SPAG6: variants seen among roughly 807,000 people sequenced by gnomAD.
SPAG6 encodes the protein sperm-associated antigen 6.
SPAG6 carries 49 observed loss-of-function variants against 58.5 expected under a neutral mutation model. That is an observed-to-expected ratio of 0.84 (90% confidence interval 0.67 to 1.06). The LOEUF (loss-of-function observed/expected upper bound fraction) is 1.06. Ranked by LOEUF, SPAG6 falls within the 50% of genes least tolerant of loss-of-function variation. The pLI is 0.00. For missense variants in SPAG6, 560 were observed against 611.3 expected, an observed-to-expected ratio of 0.92 and a Z score of 0.89; for synonymous variants, 233 against 225.6, an observed-to-expected ratio of 1.03 and a Z score of -0.29.
At chr10:22,409,182 C>A (rs536513014) in intron 9 of SPAG6, among the ~76,000 whole-genome samples, 5 of 152,076 alleles carry the variant, frequency 3.3e-5, no homozygotes, top group Non-Finnish European at 7.4e-5. Flanking sequence ...CTAAAGATAC[C>A]AAAGCACTAA....
chr10:22,398,900 C>T (rs1834351701), intron 8 of SPAG6, among the ~76,000 whole-genome samples: 1 of 152,086 alleles, frequency 6.6e-6, no homozygotes, highest in African/African-American at 2.4e-5. Context: ...CTTACCGCAA[C>T]CTCCGCCTCC....
At chr10:22,352,031 G>A (rs1836740501) in intron 2 of SPAG6, among the ~76,000 whole-genome samples, 1 of 152,052 alleles carries the variant, frequency 6.6e-6, no homozygotes, top group South Asian at 2.1e-4. Flanking sequence ...GTGGTGGCGG[G>A]TGCCTGCAGT....
At chr10:22,405,137 C>A (rs1179557178) in intron 9 of SPAG6, among the ~76,000 whole-genome samples, 1 of 152,118 alleles carries the variant, frequency 6.6e-6, no homozygotes. Context: ...TTTCCTTCTC[C>A]TGCCTAATTG....
intron 8 of SPAG6, among the ~76,000 whole-genome samples, chr10:22,398,669 C>T (rs1834347096): frequency 6.6e-6 from 1 of 152,040 alleles, no homozygotes; most frequent in Non-Finnish European, 1.5e-5. Context: ...TTTGAGGCTG[C>T]AGTGAGCTAT....
rs1257745338 is a variant in SPAG6, at chr10:22,368,603, T to G, written c.397T>G (p.Cys133Gly). The change falls in exon 4 of 11, where the codon TGC (cysteine) becomes GGC (glycine). Residue 133 changes from cysteine (C) to glycine (G), a missense_variant. Coordinates refer to ENST00000376624, the MANE Select transcript of SPAG6 (RefSeq NM_012443.4). ...DCGALDTLVI[C>G]LEDFDPGVKE... ...TGGAGCACTGGATACGCTGGTCATA[T>G]GCTTGGAAGATTTTGACCCTGGAGT... 6.2e-7 allele frequency: 1 copy of G among 1,613,970 alleles called. No homozygotes were observed. The highest frequency in any genetic ancestry group is 1.1e-5 in the South Asian group (1 of 91,072).
In SPAG6 at chr10:22,387,941, A is replaced by G; in HGVS notation, c.797A>G (p.Tyr266Cys). The change falls in exon 6 of 11, where the codon TAC (tyrosine) becomes TGC (cysteine). Residue 266 changes from tyrosine to cysteine, a missense_variant. Transcript: ENST00000376624. ...ACCTGTCTGAAGGACAAGGATGAATACGTGAAGAAAAATGCTTCTACTTTA... is the reference window on the plus strand; with the variant it reads ...ACCTGTCTGAAGGACAAGGATGAATGCGTGAAGAAAAATGCTTCTACTTTA... ...VLTCLKDKDE[Y>C]VKKNASTLIR... The G allele has an allele frequency of 1.2e-6, 2 of 1,612,866 alleles. No individual in the cohort carries two copies. Among genetic ancestry groups the G allele is most frequent in the Non-Finnish European group, 1.7e-6 (2 of 1,179,484 alleles).
chr10:22,394,567 A>T (rs1192988234), intron 8 of SPAG6, among the ~76,000 whole-genome samples: 1 of 152,166 alleles, frequency 6.6e-6, no homozygotes, highest in South Asian at 2.1e-4. Context: ...CTAATTTTAG[A>T]ATATTTTTAT....
chr10:22,413,400 G>C (rs1266044974), intron 10 of SPAG6, among the ~76,000 whole-genome samples: 1 of 152,032 alleles, frequency 6.6e-6, no homozygotes, highest in African/African-American at 2.4e-5. Context: ...TGGCATGGTG[G>C]CGGGCGCCTG....
In SPAG6 at chr10:22,345,578, G is replaced by C. The variant is rs1184652932; in HGVS notation, c.-34G>C. 2 of 1,517,678 alleles carry C rather than the reference G, an allele frequency of 1.3e-6. No homozygotes were observed. The highest frequency in any genetic ancestry group is 1.8e-6 in the Non-Finnish European group (2 of 1,132,870). 94.0% of individuals were successfully genotyped at this position (1,517,678 alleles called of 1,614,324 possible). On this transcript the variant is annotated 5_prime_UTR_variant, in exon 1 of 11. Transcript: ENST00000376624. This position sits in a 1 kb window ranked among gnomAD's most constrained non-coding sequence, Gnocchi z 6.3. ...TCGCAGGCCGAGCGGCTTCCCCGCA[G>C]AGCTCGAGGAGGGCAGACGGCGGCG...
intron 7 of SPAG6, 142 bp from the exon 8 acceptor site, chr10:22,391,587 C>T: frequency 1.6e-6 from 1 of 640,890 alleles, no homozygotes; most frequent in Non-Finnish European, 2.7e-6. Context: ...AATGACAGCC[C>T]CTGTGATGTG....
At chr10:22,391,999 T>G in intron 8 of SPAG6, 79 bp downstream of exon 8, 2 of 918,276 alleles carry the variant, frequency 2.2e-6, no homozygotes, top group South Asian at 1.6e-5. Flanking sequence ...GTTTTCATCA[T>G]GGACAATATT....
intron 10 of SPAG6, among the ~76,000 whole-genome samples, chr10:22,415,470 C>T (rs991902875): frequency 2.0e-5 from 3 of 151,968 alleles, no homozygotes; most frequent in African/African-American, 7.2e-5. Flanking sequence ...TTCGAAGAAA[C>T]CCACTGTTGA....
intron 3 of SPAG6, among the ~76,000 whole-genome samples, chr10:22,365,801 G>A (rs1837182698): frequency 6.6e-6 from 1 of 152,140 alleles, no homozygotes; most frequent in Admixed American, 6.5e-5. Context: ...TGGCCAAGAA[G>A]CATGTGAAAA....
Position 22,413,688 on chromosome 10 carries a change from G to GATATATATATATATATATATATATATAT in SPAG6, c.1460+2532_1460+2533insATATATATATATATATATATATATATAT, listed in dbSNP as rs59765652. ...ACCTGACTAATGTTTTCAAATTTCTGATATATATATATATATATATTTCAC... is the reference window on the plus strand; with the variant it reads ...ACCTGACTAATGTTTTCAAATTTCTGATATATATATATATATATATATATATATATATATATATATATATATATTTCAC... On this transcript the variant is annotated intron_variant, in intron 10 of 10. Coordinates refer to ENST00000376624, the MANE Select transcript of SPAG6 (RefSeq NM_012443.4). Among the ~76,000 whole-genome samples, 185 of 141,526 alleles carry GATATATATATATATATATATATATATAT rather than the reference G, an allele frequency of 1.3e-3. 3 individuals carry two copies. The highest frequency in any genetic ancestry group is 5.1e-3 in the African/African-American group (181 of 35,178). The allele number at this position is 141,526 out of a possible 152,430, so 92.8% of individuals were successfully genotyped here.
chr10:22,412,129 G>A lies in SPAG6; in HGVS notation c.1460+953G>A, dbSNP rs537688362. ...CTCCCAGAGTGCTGGGATTACAGGCGTGAGCCACCGCGACCGCCCGGCCAA... is the reference window on the plus strand; with the variant it reads ...CTCCCAGAGTGCTGGGATTACAGGCATGAGCCACCGCGACCGCCCGGCCAA... On this transcript the variant is annotated intron_variant, in intron 10 of 10. Coordinates refer to ENST00000376624, the MANE Select transcript of SPAG6 (RefSeq NM_012443.4). 3.9e-5 allele frequency among the ~76,000 whole-genome samples: 6 copies of A among 152,162 alleles called. No individual in the cohort carries two copies. In the South Asian group the frequency reaches 1.2e-3, roughly 32 times the overall value.
intron 9 of SPAG6, among the ~76,000 whole-genome samples, chr10:22,409,358 C>T (rs1406845637): frequency 6.6e-6 from 1 of 151,940 alleles, no homozygotes; most frequent in Non-Finnish European, 1.5e-5. Context: ...TTCTGTTGTC[C>T]AGCTGATTTA....
At chr10:22,406,155 T>G (rs1834549057) in intron 9 of SPAG6, among the ~76,000 whole-genome samples, 1 of 152,224 alleles carries the variant, frequency 6.6e-6, no homozygotes, top group South Asian at 2.1e-4. Context: ...TGCTCTGATT[T>G]TAGTTATTTC....
intron 9 of SPAG6, among the ~76,000 whole-genome samples, chr10:22,408,788 ACT>A (rs1834633181): frequency 6.6e-6 from 1 of 151,902 alleles, no homozygotes; most frequent in East Asian, 1.9e-4. Context: ...AATCAGCGAG[ACT>A]CTGTGGGGGT....
intron 10 of SPAG6, among the ~76,000 whole-genome samples, chr10:22,416,245 T>C (rs1257166258): frequency 6.6e-6 from 1 of 152,030 alleles, no homozygotes; most frequent in Non-Finnish European, 1.5e-5. Flanking sequence ...CTGTGTAGTC[T>C]AACTTATGAA....
Sources: gnomAD v4.1 joint callset for allele counts (sites outside exome capture counted in the v4.1 genomes callset) on GRCh38, gnomAD v4.1.1 for gene constraint, Gnocchi (gnomAD v3.1) non-coding constraint, MANE v1.5 for transcripts, NCBI Gene and HGNC (gene_info 2026-07-23, HGNC 2026-07-21) for gene names.